Variants in TMEM132D observed in about 807,000 individuals in gnomAD.
TMEM132D encodes mature OL transmembrane protein.
A neutral mutation model predicts 62.3 loss-of-function variants in TMEM132D; 21 were observed. The ratio of observed to expected loss-of-function variants is 0.34; its 90% CI spans 0.24 to 0.49. The LOEUF (loss-of-function observed/expected upper bound fraction) is 0.49. Ranked by LOEUF, TMEM132D falls within the 20% of genes least tolerant of loss-of-function variation. The pLI is 0.99. For synonymous variants in TMEM132D, 621 were observed against 575.6 expected (o/e 1.08, Z -1.13); for missense variants, 1,346 against 1,402.8 (o/e 0.96, Z 0.65).
chr12:129,525,229 T>G (rs1256016981), intron 3 of TMEM132D, among the ~76,000 whole-genome samples: 14,585 of 75,684 alleles, frequency 0.19, 3,668 homozygotes, highest in Non-Finnish European at 0.22. Flanking sequence ...CCAGCCGGTT[T>G]TTTTTTTTTT....
chr12:129,827,854 G>C lies in TMEM132D; in HGVS notation c.79+75407C>G, dbSNP rs1872701521. Among the ~76,000 whole-genome samples, 1 of 152,120 alleles carries C rather than the reference G, an allele frequency of 6.6e-6. No homozygotes were observed. ...GCACAGCCATTAAAAAATAAAATATGTATAAGCTGCCTGCTACAGCCACTA... is the reference window on the plus strand; with the variant it reads ...GCACAGCCATTAAAAAATAAAATATCTATAAGCTGCCTGCTACAGCCACTA... On this transcript the variant is annotated intron_variant, in intron 1 of 8. Transcript: ENST00000422113. The surrounding 1 kb of genome is among the most constrained non-coding windows in gnomAD (Gnocchi z 9.7).
chr12:129,786,206 C>A (rs1871243367), intron 1 of TMEM132D, among the ~76,000 whole-genome samples: 1 of 152,126 alleles, frequency 6.6e-6, no homozygotes, highest in Admixed American at 6.5e-5. Flanking sequence ...CACCAGCTTC[C>A]CTTGCTCCCG....
chr12:129,880,116 C>G (rs986196057), intron 1 of TMEM132D, among the ~76,000 whole-genome samples: 1 of 148,792 alleles, frequency 6.7e-6, no homozygotes, highest in Non-Finnish European at 1.5e-5. Flanking sequence ...TTGAGGGCAG[C>G]AAAAAAAAAG....
chr12:129,848,314 T>C (rs1873428902), intron 1 of TMEM132D, among the ~76,000 whole-genome samples: 1 of 152,218 alleles, frequency 6.6e-6, no homozygotes, highest in South Asian at 2.1e-4. Flanking sequence ...ATATGGTCCC[T>C]AAAGGATCAT....
chr12:129,726,211 T>C (rs944338532), intron 1 of TMEM132D, among the ~76,000 whole-genome samples: 46 of 152,226 alleles, frequency 3.0e-4, no homozygotes, highest in African/African-American at 9.6e-4. Context: ...CCTTGCTGAC[T>C]GTGCTTAAAT....
chr12:129,872,049 G>A (rs948851563), intron 1 of TMEM132D, among the ~76,000 whole-genome samples: 11 of 152,134 alleles, frequency 7.2e-5, no homozygotes, highest in Admixed American at 4.6e-4. Context: ...GCTCCTTAAT[G>A]CTATCAACTC....
In TMEM132D at chr12:129,548,186, G is replaced by C. The variant is rs534181597; in HGVS notation, c.969-16981C>G. 2.6e-5 allele frequency among the ~76,000 whole-genome samples: 4 copies of C among 152,232 alleles called. No homozygotes were observed. The South Asian group carries it at 8.3e-4, about 32-fold the overall frequency. On this transcript the variant is annotated intron_variant, in intron 2 of 8. Transcript: ENST00000422113. ...TACTTAGAGTGGAGGCCTGGCCTTG[G>C]GGTTCCCGCCTATATCCCTCTCCCA...
intron 1 of TMEM132D, among the ~76,000 whole-genome samples, chr12:129,709,529 G>A (rs1212557656): frequency 1.3e-5 from 2 of 152,042 alleles, no homozygotes; most frequent in Non-Finnish European, 2.9e-5. Context: ...TCTTTGCTTC[G>A]CACCAAAGAA....
At chr12:129,528,829 G>C (rs114054044) in intron 3 of TMEM132D, among the ~76,000 whole-genome samples, 1,935 of 152,296 alleles carry the variant, frequency 0.013, 47 homozygotes, top group African/African-American at 0.044. Flanking sequence ...AAAAAGACCT[G>C]CTCCCAAAAC....
chr12:129,772,408 G>T (rs1390628952), intron 1 of TMEM132D, among the ~76,000 whole-genome samples: 2 of 152,166 alleles, frequency 1.3e-5, no homozygotes, highest in Admixed American at 6.5e-5. Context: ...ATGGGAAAAA[G>T]AGTCCAGTAT....
At chr12:129,621,150 C>G (rs1338124573) in intron 2 of TMEM132D, among the ~76,000 whole-genome samples, 4 of 152,034 alleles carry the variant, frequency 2.6e-5, no homozygotes, top group Non-Finnish European at 5.9e-5. Flanking sequence ...CCATATCCTT[C>G]CTCATCTCAG....
chr12:129,407,990 C>G (rs1313453009), intron 3 of TMEM132D, among the ~76,000 whole-genome samples: 1 of 152,084 alleles, frequency 6.6e-6, no homozygotes, highest in Non-Finnish European at 1.5e-5. Flanking sequence ...AGCCTAACTT[C>G]ACCCCACCTC....
intron 3 of TMEM132D, among the ~76,000 whole-genome samples, chr12:129,490,973 C>T (rs1874775558): frequency 6.6e-6 from 1 of 152,072 alleles, no homozygotes; most frequent in African/African-American, 2.4e-5. Flanking sequence ...CTGCTGGTTC[C>T]CACGGATTTC....
chr12:129,694,937 G>A (rs546106710), intron 2 of TMEM132D, among the ~76,000 whole-genome samples: 1 of 152,304 alleles, frequency 6.6e-6, no homozygotes, highest in Admixed American at 6.5e-5. Context: ...GAACCTGGGA[G>A]GCAGAGGTTG....
chr12:129,120,846 G>A (rs771862014), intron 5 of TMEM132D, among the ~76,000 whole-genome samples: 5 of 150,740 alleles, frequency 3.3e-5, no homozygotes, highest in East Asian at 3.9e-4. Context: ...TTTTTGTTTC[G>A]GTATTTGTTT....
intron 4 of TMEM132D, among the ~76,000 whole-genome samples, chr12:129,318,896 A>G (rs1593335442): frequency 6.6e-6 from 1 of 152,098 alleles, no homozygotes; most frequent in Admixed American, 6.5e-5. Flanking sequence ...GGTTGTCAGG[A>G]AAGTGGGGGA....
chr12:129,706,212 G>GA (rs1156893099), intron 1 of TMEM132D, among the ~76,000 whole-genome samples: 1 of 151,300 alleles, frequency 6.6e-6, no homozygotes, highest in Non-Finnish European at 1.5e-5. Flanking sequence ...AAAGTTAAAA[G>GA]AAAAAAAAGT....
At chr12:129,816,068 C>T (rs1428574321) in intron 1 of TMEM132D, among the ~76,000 whole-genome samples, 1 of 152,206 alleles carries the variant, frequency 6.6e-6, no homozygotes, top group Non-Finnish European at 1.5e-5. Flanking sequence ...AGCTGTTCCG[C>T]TCATGGTGTG....
intron 1 of TMEM132D, among the ~76,000 whole-genome samples, chr12:129,836,257 C>G (rs532007598): frequency 6.6e-6 from 1 of 152,268 alleles, no homozygotes; most frequent in Non-Finnish European, 1.5e-5. Flanking sequence ...TCTGTCTGCT[C>G]CAACTACCAT....
Sources: gnomAD v4.1 joint callset for allele counts (sites outside exome capture counted in the v4.1 genomes callset) on GRCh38, gnomAD v4.1.1 for gene constraint, Gnocchi (gnomAD v3.1) non-coding constraint, MANE v1.5 for transcripts, NCBI Gene and HGNC (gene_info 2026-07-23, HGNC 2026-07-21) for gene names.